TMEM132D: variants seen among roughly 807,000 people sequenced by gnomAD.
TMEM132D encodes the protein mature OL transmembrane protein.
Under a neutral mutation model 62.3 loss-of-function variants are expected in TMEM132D, and 21 were observed. The observed-to-expected ratio is 0.34, with a 90% confidence interval of 0.24 to 0.49. The LOEUF is 0.49. Ranked by LOEUF, TMEM132D falls within the 20% of genes least tolerant of loss-of-function variation. The pLI, the probability that TMEM132D is intolerant of heterozygous loss-of-function variation, is 0.99. For synonymous variants in TMEM132D, 621 were observed against 575.6 expected, an observed-to-expected ratio of 1.08 and a Z score of -1.13; for missense variants, 1,346 against 1,402.8, an observed-to-expected ratio of 0.96 and a Z score of 0.65.
intron 1 of TMEM132D, among the ~76,000 whole-genome samples, chr12:129,841,077 G>A (rs1404019522): frequency 6.6e-6 from 1 of 152,054 alleles, no homozygotes; most frequent in Non-Finnish European, 1.5e-5. Flanking sequence ...TCAAATTTTG[G>A]CACTGCGGAT....
chr12:129,532,818 G>A (rs1027176367), intron 2 of TMEM132D, among the ~76,000 whole-genome samples: 1 of 152,232 alleles, frequency 6.6e-6, no homozygotes, highest in African/African-American at 2.4e-5. Flanking sequence ...TCCTCTGGCA[G>A]TGCTGTCCCA....
chr12:129,526,432 G>T (rs1440121810), intron 3 of TMEM132D, among the ~76,000 whole-genome samples: 1 of 152,050 alleles, frequency 6.6e-6, no homozygotes, highest in Non-Finnish European at 1.5e-5. Flanking sequence ...TTACAGGCAT[G>T]CACCACCATG....
At chr12:129,304,340 C>T (rs1291090745) in intron 4 of TMEM132D, among the ~76,000 whole-genome samples, 1 of 152,174 alleles carries the variant, frequency 6.6e-6, no homozygotes, top group Non-Finnish European at 1.5e-5. Context: ...ATCCCATATC[C>T]TACAATACCA....
At chr12:129,632,915 T>G (rs1233158682) in intron 2 of TMEM132D, among the ~76,000 whole-genome samples, 1 of 152,152 alleles carries the variant, frequency 6.6e-6, no homozygotes, top group Non-Finnish European at 1.5e-5. Flanking sequence ...TATGCAGTCC[T>G]CTCTTTGCTT....
At chr12:129,548,740 A>G (rs754953628) in intron 2 of TMEM132D, among the ~76,000 whole-genome samples, 5 of 151,880 alleles carry the variant, frequency 3.3e-5, no homozygotes, top group African/African-American at 4.8e-5. Flanking sequence ...CAATCCTACC[A>G]CCCCCTTCCA....
intron 5 of TMEM132D, among the ~76,000 whole-genome samples, chr12:129,114,121 C>T (rs932485955): frequency 8.5e-5 from 13 of 152,184 alleles, no homozygotes; most frequent in African/African-American, 3.1e-4. Context: ...ATAGAAGGTA[C>T]ACCTGCCTGA....
intron 5 of TMEM132D, 42 bp downstream of exon 5, chr12:129,209,478 A>G (rs1878959616): frequency 1.2e-6 from 2 of 1,609,060 alleles, no homozygotes; most frequent in Non-Finnish European, 1.7e-6. Context: ...AGAAGCTGAC[A>G]TGACAGCAGG....
At chr12:129,613,219 T>G (rs939774355) in intron 2 of TMEM132D, among the ~76,000 whole-genome samples, 2 of 151,220 alleles carry the variant, frequency 1.3e-5, no homozygotes, top group Non-Finnish European at 2.9e-5. Flanking sequence ...TTGGTTTAGG[T>G]TTTTTTTTAG....
At position 129,073,860 on chromosome 12, in the gene TMEM132D, CTG is replaced by C. The variant is rs777508987; in HGVS notation, c.*13_*14del. 5 of 1,519,230 alleles carry C rather than the reference CTG, an allele frequency of 3.3e-6. No homozygotes were observed. Among genetic ancestry groups the C allele is most frequent in the East Asian group, 2.3e-5 (1 of 44,036 alleles). 94.1% of individuals were successfully genotyped at this position (1,519,230 alleles called of 1,614,324 possible). On this transcript the variant is annotated 3_prime_UTR_variant, in exon 9 of 9. Transcript: ENST00000422113. ...CTGAAAGGTGAGTGAGAACCAATGT[CTG>C]TGTGTGTCTGGCTTACACATTTTCA...
chr12:129,514,213 G>C (rs1225410259), intron 3 of TMEM132D, among the ~76,000 whole-genome samples: 2 of 151,990 alleles, frequency 1.3e-5, no homozygotes, highest in Admixed American at 6.6e-5. Context: ...GCTACTTCAA[G>C]ACTTTTTGTT....
At chr12:129,141,838 G>A (rs1484247032) in intron 5 of TMEM132D, among the ~76,000 whole-genome samples, 4 of 151,728 alleles carry the variant, frequency 2.6e-5, no homozygotes, top group African/African-American at 9.7e-5. Context: ...CCTGGGTGAT[G>A]GGATCATTCG....
chr12:129,750,122 G>A (rs1869950692), intron 1 of TMEM132D, among the ~76,000 whole-genome samples: 1 of 151,920 alleles, frequency 6.6e-6, no homozygotes, highest in African/African-American at 2.4e-5. Flanking sequence ...GTCTCGCTTT[G>A]TCACCCAGCC....
At chr12:129,858,790 G>A (rs369283786) in intron 1 of TMEM132D, among the ~76,000 whole-genome samples, 1,687 of 62,238 alleles carry the variant, frequency 0.027, 122 homozygotes, top group East Asian at 0.15. Context: ...CCCTTGTAAC[G>A]GAGTCCGGGG....
intron 2 of TMEM132D, among the ~76,000 whole-genome samples, chr12:129,638,147 A>C (rs936067407): frequency 1.3e-5 from 2 of 152,208 alleles, no homozygotes; most frequent in Non-Finnish European, 2.9e-5. Flanking sequence ...AGAAATGTCA[A>C]AGTGATACAG....
At chr12:129,454,515 A>G (rs1396257712) in intron 3 of TMEM132D, among the ~76,000 whole-genome samples, 1 of 152,196 alleles carries the variant, frequency 6.6e-6, no homozygotes, top group Non-Finnish European at 1.5e-5. Context: ...GAGCTGTCAG[A>G]TGGTTAAGCT....
chr12:129,161,424 G>C lies in TMEM132D; in HGVS notation c.1443+48096C>G, dbSNP rs60357129. Among the ~76,000 whole-genome samples, 338 of 152,276 alleles carry C rather than the reference G, an allele frequency of 2.2e-3. 3 individuals carry two copies. Among genetic ancestry groups the C allele is most frequent in the African/African-American group, 7.8e-3 (326 of 41,546 alleles). ...GAGCTTTCCATGGACATTTAGTATC[G>C]TAACCGACTTATCTCAAGAAAATGT... is the stretch of plus-strand genomic sequence containing the variant. On this transcript the variant is annotated intron_variant, in intron 5 of 8. Coordinates refer to ENST00000422113, the MANE Select transcript of TMEM132D (RefSeq NM_133448.3).
intron 1 of TMEM132D, among the ~76,000 whole-genome samples, chr12:129,701,238 A>C (rs550302438): frequency 6.6e-6 from 1 of 152,334 alleles, no homozygotes; most frequent in South Asian, 2.1e-4. Flanking sequence ...GCACATGTCC[A>C]ATGGGAAATG....
At chr12:129,596,770 G>GC (rs1878348492) in intron 2 of TMEM132D, among the ~76,000 whole-genome samples, 1 of 145,084 alleles carries the variant, frequency 6.9e-6, no homozygotes. Flanking sequence ...TTCGAATGGT[G>GC]TTTTTTTTTT....
Position 129,168,955 on chromosome 12 carries a change from T to G in TMEM132D, c.1443+40565A>C, listed in dbSNP as rs542567580. On this transcript the variant is annotated intron_variant, in intron 5 of 8. Coordinates refer to ENST00000422113, the MANE Select transcript of TMEM132D (RefSeq NM_133448.3). ...AATCCCACAGTTAGCTAGCGGCCGA[T>G]AGAGGGACTAGAGCCCTAGCTCTTG... is the stretch of plus-strand genomic sequence containing the variant. 2.0e-5 allele frequency among the ~76,000 whole-genome samples: 3 copies of G among 152,336 alleles called. No individual in the cohort carries two copies. The East Asian group carries it at 5.8e-4, about 29-fold the overall frequency.
Sources: gnomAD v4.1 joint callset for allele counts (sites outside exome capture counted in the v4.1 genomes callset) on GRCh38, gnomAD v4.1.1 for gene constraint, MANE v1.5 for transcripts, NCBI Gene and HGNC (gene_info 2026-07-23, HGNC 2026-07-21) for gene names.